The following FAF1 variants were observed in gnomAD, a reference collection of about 807,000 sequenced individuals.
The protein encoded by FAF1 is Fas associated factor 1.
In FAF1, 25 loss-of-function variants were observed where a neutral mutation model predicts 92.5. That is an observed-to-expected ratio of 0.27 (90% CI 0.20 to 0.38). FAF1 has a LOEUF of 0.38. Among genes scored for constraint, FAF1 ranks in the 10% least tolerant of loss-of-function variants. The pLI is 1.00. For synonymous variants in FAF1, 234 were observed against 273.2 expected, an observed-to-expected ratio of 0.86 and a Z score of 1.42; for missense variants, 636 against 793.3, an observed-to-expected ratio of 0.80 and a Z score of 2.38.
At chr1:50,575,917 C>T (rs1239177699) in intron 12 of FAF1, among the ~76,000 whole-genome samples, 6 of 152,110 alleles carry the variant, frequency 3.9e-5, no homozygotes, top group South Asian at 4.2e-4. Flanking sequence ...TCTTTCAACA[C>T]GAAGCAGTAG....
chr1:50,681,600 C>T (rs558461576), intron 7 of FAF1, among the ~76,000 whole-genome samples: 10 of 151,846 alleles, frequency 6.6e-5, no homozygotes, highest in East Asian at 1.9e-4. Context: ...CTCTGCCCCC[C>T]GAGTTCAAAT....
intron 8 of FAF1, among the ~76,000 whole-genome samples, chr1:50,603,615 G>A (rs939718113): frequency 6.6e-6 from 1 of 152,074 alleles, no homozygotes; most frequent in Admixed American, 6.6e-5. Context: ...ACAATCCGAG[G>A]TTTCTTCTGC....
chr1:50,662,734 C>T (rs542096775), intron 7 of FAF1, among the ~76,000 whole-genome samples: 1 of 126,066 alleles, frequency 7.9e-6, no homozygotes, highest in African/African-American at 3.0e-5. Flanking sequence ...CTCCCTCTGT[C>T]GCGCCCAGGC....
At chr1:50,886,297 T>C (rs1184316780) in intron 1 of FAF1, among the ~76,000 whole-genome samples, 4 of 152,198 alleles carry the variant, frequency 2.6e-5, no homozygotes, top group Admixed American at 2.0e-4. Context: ...CCGCTTTTCT[T>C]TGGGAAAGTA....
rs974985927 is a variant in FAF1 at position 50,476,185 on chromosome 1, T to C, written c.1654-506A>G. 2.0e-5 allele frequency among the ~76,000 whole-genome samples: 3 copies of C among 152,184 alleles called. No homozygotes were observed. In the South Asian group the frequency reaches 6.2e-4, roughly 32 times the overall value. ...TTAGGGTGATGAAACATTTTGGAAA[T>C]AGTGGTGGTGGTTGGACAATACTGT... On this transcript the variant is annotated intron_variant, in intron 17 of 18. Transcript: ENST00000396153.
intron 7 of FAF1, among the ~76,000 whole-genome samples, chr1:50,671,329 C>T (rs542136174): frequency 4.2e-4 from 63 of 151,520 alleles, no homozygotes; most frequent in South Asian, 8.3e-4. Context: ...CACTTGAAAC[C>T]GGGAGGTGGA....
intron 4 of FAF1, among the ~76,000 whole-genome samples, chr1:50,777,743 GAA>G (rs549071005): frequency 6.1e-4 from 49 of 79,958 alleles, no homozygotes; most frequent in African/African-American, 2.0e-3. Context: ...TTCATTTTAA[GAA>G]AAAAAAAAAA....
chr1:50,555,441 TG>T (rs1257524593), intron 13 of FAF1, among the ~76,000 whole-genome samples: 1 of 151,404 alleles, frequency 6.6e-6, no homozygotes, highest in African/African-American at 2.4e-5. Context: ...CATTAAAAAG[TG>T]GGGAAACAAC....
intron 12 of FAF1, 149 bp downstream of exon 12, chr1:50,582,469 G>T: frequency 1.7e-6 from 1 of 602,740 alleles, no homozygotes; most frequent in Non-Finnish European, 3.0e-6. Context: ...CATGGCCCAT[G>T]CACAATGATG....
intron 1 of FAF1, among the ~76,000 whole-genome samples, chr1:50,931,301 T>C (rs1557593895): frequency 1.3e-5 from 2 of 152,242 alleles, no homozygotes; most frequent in African/African-American, 4.8e-5. Flanking sequence ...TTGTTTATAC[T>C]TTCTTATTGT....
intron 1 of FAF1, among the ~76,000 whole-genome samples, chr1:50,936,238 G>T (rs142034779): frequency 1.3e-5 from 2 of 152,242 alleles, no homozygotes; most frequent in East Asian, 3.9e-4. Context: ...TCACAAATTA[G>T]TAAGAAAGAC....
chr1:50,841,832 T>C (rs912620608), intron 2 of FAF1, among the ~76,000 whole-genome samples: 2 of 152,236 alleles, frequency 1.3e-5, no homozygotes, highest in East Asian at 3.9e-4. Context: ...ATTAAAAGCA[T>C]GGCCTGAATA....
intron 2 of FAF1, among the ~76,000 whole-genome samples, chr1:50,819,741 A>ATATATATATACGTG (rs1644021300): frequency 5.9e-5 from 1 of 17,066 alleles, no homozygotes; most frequent in African/African-American, 2.0e-4. Flanking sequence ...ATATATATAC[A>ATATATATATACGTG]TATATATATA....
intron 3 of FAF1, among the ~76,000 whole-genome samples, chr1:50,789,370 C>T (rs1338779703): frequency 6.6e-6 from 1 of 152,056 alleles, no homozygotes; most frequent in African/African-American, 2.4e-5. Context: ...GATCCCGGAC[C>T]CCCAACTCAG....
chr1:50,627,986 T>G (rs1335829294), intron 8 of FAF1, among the ~76,000 whole-genome samples: 2 of 152,116 alleles, frequency 1.3e-5, no homozygotes, highest in Admixed American at 6.6e-5. Context: ...GACGAATAAG[T>G]AGAAGGAAAA....
chr1:50,635,635 A>G (rs1394029674), intron 8 of FAF1, among the ~76,000 whole-genome samples: 3 of 152,174 alleles, frequency 2.0e-5, no homozygotes, highest in African/African-American at 4.8e-5. Flanking sequence ...CATGTTGCCC[A>G]GGCTTGTCTC....
chr1:50,715,805 C>T (rs1658143113), intron 6 of FAF1, among the ~76,000 whole-genome samples: 1 of 152,154 alleles, frequency 6.6e-6, no homozygotes, highest in Non-Finnish European at 1.5e-5. Context: ...TTACATACCC[C>T]TCCACATTTT....
chr1:50,908,707 T>G (rs1054726080), intron 1 of FAF1, among the ~76,000 whole-genome samples: 2 of 152,132 alleles, frequency 1.3e-5, no homozygotes, highest in African/African-American at 4.8e-5. Context: ...CTGCCTTTTT[T>G]TTTGCTTTCC....
chr1:50,675,922 C>T (rs1656098469), intron 7 of FAF1, among the ~76,000 whole-genome samples: 1 of 152,162 alleles, frequency 6.6e-6, no homozygotes, highest in Admixed American at 6.6e-5. Flanking sequence ...GTGCATGTTA[C>T]TCTATTTCAT....
Sources: gnomAD v4.1 joint callset for allele counts (sites outside exome capture counted in the v4.1 genomes callset) on GRCh38, gnomAD v4.1.1 for gene constraint, MANE v1.5 for transcripts, NCBI Gene and HGNC (gene_info 2026-07-23, HGNC 2026-07-21) for gene names.